ARHGAP26: variants seen among roughly 807,000 people sequenced by gnomAD.
The protein encoded by ARHGAP26 is rho GTPase-activating protein 26.
ARHGAP26 carries 38 observed loss-of-function variants against 104.8 expected under a neutral mutation model. The observed-to-expected ratio is 0.36, with a 90% CI of 0.28 to 0.48. The LOEUF is 0.48. Ranked by LOEUF, ARHGAP26 falls within the 20% of genes least tolerant of loss-of-function variation. ARHGAP26 has a pLI of 0.99. For synonymous variants in ARHGAP26, 341 were observed against 340.0 expected (o/e 1.00, Z -0.03); for missense variants, 704 against 947.9 (o/e 0.74, Z 3.38).
chr5:142,993,268 C>T (rs1360444868), intron 11 of ARHGAP26, among the ~76,000 whole-genome samples: 1 of 149,952 alleles, frequency 6.7e-6, no homozygotes, highest in Non-Finnish European at 1.5e-5. Context: ...TTCCCGGGTT[C>T]ACGCCATTCT....
At chr5:142,810,625 T>C (rs1371677741) in intron 1 of ARHGAP26, among the ~76,000 whole-genome samples, 1 of 152,228 alleles carries the variant, frequency 6.6e-6, no homozygotes, top group Non-Finnish European at 1.5e-5. Flanking sequence ...TGGGGACATT[T>C]GACACAGAGA....
chr5:142,938,053 A>G (rs1158129683), intron 11 of ARHGAP26, among the ~76,000 whole-genome samples: 1 of 152,196 alleles, frequency 6.6e-6, no homozygotes, highest in African/African-American at 2.4e-5. Context: ...ATACACACAG[A>G]TGAACTCATG....
intron 19 of ARHGAP26, among the ~76,000 whole-genome samples, chr5:143,141,397 C>A (rs1798520408): frequency 6.6e-6 from 1 of 152,146 alleles, no homozygotes; most frequent in Admixed American, 6.5e-5. Flanking sequence ...CTCTGTGTAG[C>A]AGATCGATTG....
intron 1 of ARHGAP26, among the ~76,000 whole-genome samples, chr5:142,790,738 A>G (rs1759632541): frequency 6.6e-6 from 1 of 152,040 alleles, no homozygotes; most frequent in Admixed American, 6.6e-5. Context: ...ACCTTCTCTT[A>G]CTGTTCCTCT....
At chr5:143,173,162 G>C (rs996375324) in intron 20 of ARHGAP26, 1 of 166,334 alleles carries the variant, frequency 6.0e-6, no homozygotes, top group Non-Finnish European at 1.3e-5. Flanking sequence ...CTTGGTAAGT[G>C]AGTAAAAGTT....
chr5:142,895,451 C>T (rs1401620606), intron 6 of ARHGAP26, among the ~76,000 whole-genome samples: 7 of 151,994 alleles, frequency 4.6e-5, no homozygotes, highest in East Asian at 1.9e-4. Flanking sequence ...AGGATGGTCT[C>T]GATCTCCTGA....
intron 22 of ARHGAP26, chr5:143,216,364 A>G (rs1418504777): frequency 2.8e-5 from 13 of 462,274 alleles, no homozygotes; most frequent in South Asian, 1.7e-4. Flanking sequence ...CGGAAATGGC[A>G]TTAAAGCCCT....
rs1306099224 is a variant in ARHGAP26 at position 143,121,003 on chromosome 5, C to T, written c.1554C>T (p.His518=). 3.7e-6 allele frequency: 6 copies of T among 1,612,888 alleles called. No homozygotes were observed. The highest frequency in any genetic ancestry group is 5.1e-6 in the Non-Finnish European group (6 of 1,179,336). Reference sequence around the variant, plus strand: ...TTCCTCCCAGTGTTGCTAACAACCACAAGCAGAATTTGATGACGGTGGCAA... The same window carrying T: ...TTCCTCCCAGTGTTGCTAACAACCATAAGCAGAATTTGATGACGGTGGCAA... The part of the protein sequence containing the change: ...MNHLANVANN[H]KQNLMTVANL... Residue 518 remains histidine, a synonymous_variant, in exon 18 of 23, where the codon CAC becomes CAT. Coordinates refer to ENST00000645722, the MANE Select transcript of ARHGAP26 (RefSeq NM_001135608.3).
At chr5:143,193,128 G>A (rs1257664396) in intron 20 of ARHGAP26, among the ~76,000 whole-genome samples, 5 of 151,944 alleles carry the variant, frequency 3.3e-5, no homozygotes, top group African/African-American at 9.7e-5. Flanking sequence ...CCTGCTCCCC[G>A]GGACAGGAAT....
At chr5:142,803,173 C>T (rs998970998) in intron 1 of ARHGAP26, among the ~76,000 whole-genome samples, 6 of 151,992 alleles carry the variant, frequency 3.9e-5, no homozygotes, top group Non-Finnish European at 5.9e-5. Flanking sequence ...TCTGAGATGC[C>T]AATTAAATCT....
intron 14 of ARHGAP26, among the ~76,000 whole-genome samples, chr5:143,052,576 A>G (rs539557736): frequency 6.6e-6 from 1 of 152,182 alleles, no homozygotes; most frequent in African/African-American, 2.4e-5. Flanking sequence ...AACATCATAC[A>G]GGTACTGTGC....
chr5:143,074,829 C>T (rs1017518097), intron 17 of ARHGAP26, among the ~76,000 whole-genome samples: 1 of 152,248 alleles, frequency 6.6e-6, no homozygotes, highest in African/African-American at 2.4e-5. Context: ...CACATGCCTA[C>T]AGCATGCCAG....
At chr5:143,059,017 A>G (rs1224228949) in intron 17 of ARHGAP26, among the ~76,000 whole-genome samples, 2 of 152,242 alleles carry the variant, frequency 1.3e-5, no homozygotes, top group Non-Finnish European at 2.9e-5. Flanking sequence ...GTTTAAAATA[A>G]TGGGAACTGG....
chr5:143,052,667 C>T (rs933319117), intron 14 of ARHGAP26, among the ~76,000 whole-genome samples: 12 of 152,148 alleles, frequency 7.9e-5, no homozygotes, highest in African/African-American at 2.9e-4. Flanking sequence ...ACACGGAGAG[C>T]AGTAGATACC....
intron 20 of ARHGAP26, among the ~76,000 whole-genome samples, chr5:143,176,295 T>C (rs982658025): frequency 3.9e-5 from 6 of 152,218 alleles, no homozygotes; most frequent in African/African-American, 1.4e-4. Flanking sequence ...CATAAGAGAC[T>C]TGCCAGCCAC....
At chr5:142,832,797 T>C (rs1236709266) in intron 1 of ARHGAP26, among the ~76,000 whole-genome samples, 2 of 152,172 alleles carry the variant, frequency 1.3e-5, no homozygotes, top group African/African-American at 4.8e-5. Context: ...GGGAGTTGAA[T>C]CTGCTCAGAT....
intron 11 of ARHGAP26, among the ~76,000 whole-genome samples, chr5:142,951,289 AC>A: frequency 6.6e-6 from 1 of 152,220 alleles, no homozygotes; most frequent in East Asian, 1.9e-4. Flanking sequence ...CCAACTTCTG[AC>A]CTCAAGTGAT....
chr5:143,202,930 A>G (rs960684883), intron 20 of ARHGAP26: 10 of 152,234 alleles, frequency 6.6e-5, no homozygotes, highest in African/African-American at 1.7e-4. Flanking sequence ...TTAGCTCAAG[A>G]TGGATTAAAG....
chr5:142,772,502 T>A (rs1453306200), intron 1 of ARHGAP26, among the ~76,000 whole-genome samples: 1 of 152,218 alleles, frequency 6.6e-6, no homozygotes, highest in Non-Finnish European at 1.5e-5. Context: ...TGTGGTGTAC[T>A]GGGTACTGCA....
Sources: allele counts gnomAD v4.1 joint callset (sites outside exome capture counted in the v4.1 genomes callset), GRCh38; gene constraint gnomAD v4.1.1; transcripts MANE v1.5; gene names NCBI Gene and HGNC (gene_info 2026-07-23, HGNC 2026-07-21).